The following S100Z variants were observed in gnomAD, a reference collection of about 807,000 sequenced individuals.
S100Z encodes S100 calcium binding protein Z.
A neutral mutation model predicts 8.5 loss-of-function variants in S100Z; 11 were observed. The ratio of observed to expected loss-of-function variants is 1.30; its 90% CI spans 0.82 to 2.15. The LOEUF is 2.15. Among genes scored for constraint, S100Z ranks in the 30% most tolerant of loss-of-function variants. S100Z has a pLI of 0.00. For synonymous variants in S100Z, 34 were observed against 43.8 expected, an observed-to-expected ratio of 0.78 and a Z score of 0.89; for missense variants, 126 against 117.9, an observed-to-expected ratio of 1.07 and a Z score of -0.32.
rs1044205064 is a variant in S100Z at position 76,875,482 on chromosome 5, G to A, written c.123G>A (p.Glu41=). The part of the protein sequence containing the change: ...KGELKLLLQR[E]LTEFLSCQKE... ...AACTGAAACTGCTCCTGCAGCGAGA[G>A]CTCACGGAATTCCTCTCGGTGAGTC... Residue 41 remains glutamate (E), a synonymous_variant, in exon 3 of 5, where the codon GAG becomes GAA. Transcript: ENST00000317593. 6.2e-7 allele frequency: 1 copy of A among 1,610,006 alleles called. No homozygotes were observed. Among genetic ancestry groups the A allele is most frequent in the East Asian group, 2.2e-5 (1 of 44,780 alleles).
chr5:76,893,525 A>T (rs1580040755), intron 4 of S100Z, among the ~76,000 whole-genome samples: 2 of 151,942 alleles, frequency 1.3e-5, no homozygotes, highest in South Asian at 4.2e-4. Flanking sequence ...TCTGGGTGAC[A>T]GAACAAGATC....
chr5:76,862,856 C>T (rs993858345), intron 1 of S100Z, among the ~76,000 whole-genome samples: 3 of 152,254 alleles, frequency 2.0e-5, no homozygotes, highest in African/African-American at 7.2e-5. Flanking sequence ...TAAAGGGGCT[C>T]TTGAGCTGCT....
intron 3 of S100Z, among the ~76,000 whole-genome samples, chr5:76,876,889 C>T (rs1192110335): frequency 6.6e-6 from 1 of 152,126 alleles, no homozygotes; most frequent in Non-Finnish European, 1.5e-5. Context: ...TCATCAACAC[C>T]AGTCACAGGA....
intron 4 of S100Z, among the ~76,000 whole-genome samples, chr5:76,898,072 G>A (rs1196043760): frequency 1.3e-5 from 2 of 152,098 alleles, no homozygotes; most frequent in African/African-American, 2.4e-5. Context: ...GATCTTAGAC[G>A]AGAGACTTTC....
chr5:76,896,635 T>C (rs1744046778), intron 4 of S100Z, among the ~76,000 whole-genome samples: 2 of 152,228 alleles, frequency 1.3e-5, no homozygotes, highest in Admixed American at 6.5e-5. Flanking sequence ...ACAGTAGTTG[T>C]ATTAGTTTAC....
At chr5:76,923,267 A>G (rs1745080297), downstream of S100Z, among the ~76,000 whole-genome samples, 1 of 152,190 alleles carries the variant, frequency 6.6e-6, no homozygotes, top group African/African-American at 2.4e-5. Context: ...CCTATGTTGT[A>G]GAAACCAGGT....
intron 1 of S100Z, among the ~76,000 whole-genome samples, chr5:76,864,386 A>ATTTTTTTTTTTTTTTTTTTTT (rs56206322): frequency 4.2e-5 from 3 of 72,126 alleles, no homozygotes; most frequent in Non-Finnish European, 7.6e-5. Flanking sequence ...TGCATACTAT[A>ATTTTTTTTTTTTTTTTTTTTT]TTTTTTTTTT....
chr5:76,891,142 C>T (rs1413585581), intron 4 of S100Z, among the ~76,000 whole-genome samples: 2 of 152,152 alleles, frequency 1.3e-5, no homozygotes, highest in African/African-American at 2.4e-5. Flanking sequence ...GGATTACAGG[C>T]GTGAGCCACC....
the S100Z span, among the ~76,000 whole-genome samples, chr5:76,951,771 C>T: frequency 6.6e-6 from 1 of 152,172 alleles, no homozygotes; most frequent in Non-Finnish European, 1.5e-5. Flanking sequence ...GTACTCTTTT[C>T]CCTCTCACTG....
the S100Z span, among the ~76,000 whole-genome samples, chr5:76,937,709 C>G: frequency 3.0e-5 from 4 of 131,196 alleles, no homozygotes; most frequent in African/African-American, 1.1e-4. Flanking sequence ...GCCATGATTG[C>G]GCAACTGCAC....
At chr5:76,863,716 T>G (rs1010200966) in intron 1 of S100Z, among the ~76,000 whole-genome samples, 7 of 151,854 alleles carry the variant, frequency 4.6e-5, no homozygotes, top group Non-Finnish European at 1.0e-4. Context: ...TTTTTTGTAT[T>G]TTTAGTAGAG....
At chr5:76,907,013 TATATATATATAC>T (rs1224524217) in intron 4 of S100Z, among the ~76,000 whole-genome samples, 3 of 111,872 alleles carry the variant, frequency 2.7e-5, no homozygotes, top group African/African-American at 2.1e-4. Context: ...TATATATATA[TATATATATATAC>T]ATATATATAT....
At chr5:76,868,460 C>T (rs554724118) in intron 1 of S100Z, among the ~76,000 whole-genome samples, 1 of 152,138 alleles carries the variant, frequency 6.6e-6, no homozygotes, top group East Asian at 1.9e-4. Context: ...AGGAGTTTTA[C>T]CTGCCAACTG....
chr5:76,871,668 A>C lies in S100Z; in HGVS notation c.-57+1384A>C, dbSNP rs1007331009. On this transcript the variant is annotated intron_variant, in intron 2 of 4. Transcript: ENST00000317593. ...CTCCTGAGTAGCTGGGATTACAGGC[A>C]TGCACCACCACACCCGGCTAATTTT... Among the ~76,000 whole-genome samples, 4 of 152,044 alleles carry C rather than the reference A, an allele frequency of 2.6e-5. No individual in the cohort carries two copies. In the South Asian group the frequency reaches 8.3e-4, roughly 32 times the overall value.
intron 2 of S100Z, among the ~76,000 whole-genome samples, 193 bp from the exon 3 acceptor site, chr5:76,875,111 T>A (rs1743138640): frequency 6.6e-6 from 1 of 152,144 alleles, no homozygotes; most frequent in South Asian, 2.1e-4. Flanking sequence ...CAGGATGGTC[T>A]CGATCTTCTG....
intron 4 of S100Z, among the ~76,000 whole-genome samples, chr5:76,915,022 A>G (rs1744806109): frequency 6.6e-6 from 1 of 152,140 alleles, no homozygotes; most frequent in Admixed American, 6.5e-5. Context: ...CCGGACACAT[A>G]AGGCCGGGCA....
chr5:76,924,682 G>A (rs1052747962), downstream of S100Z, among the ~76,000 whole-genome samples: 1 of 152,188 alleles, frequency 6.6e-6, no homozygotes, highest in Admixed American at 6.5e-5. Flanking sequence ...GGCAAGGGCA[G>A]GCGGATCACT....
chr5:76,944,056 C>G, the S100Z span, among the ~76,000 whole-genome samples: 1 of 152,062 alleles, frequency 6.6e-6, no homozygotes, highest in Admixed American at 6.5e-5. Flanking sequence ...GAGTCCCCTA[C>G]TTGCCTCACC....
At chr5:76,907,266 C>T (rs977336673) in intron 4 of S100Z, among the ~76,000 whole-genome samples, 1 of 151,830 alleles carries the variant, frequency 6.6e-6, no homozygotes, top group Non-Finnish European at 1.5e-5. Flanking sequence ...TCTATCCTTT[C>T]CTGATACCAT....
Sources: allele counts gnomAD v4.1 joint callset (sites outside exome capture counted in the v4.1 genomes callset), GRCh38; gene constraint gnomAD v4.1.1; transcripts MANE v1.5; gene names NCBI Gene and HGNC (gene_info 2026-07-23, HGNC 2026-07-21).